BRD10: variants seen among roughly 807,000 people sequenced by gnomAD.
BRD10 encodes bromodomain containing 10.
the BRD10 span, among the ~76,000 whole-genome samples, chr9:5,931,242 T>C: frequency 7.9e-5 from 12 of 152,128 alleles, no homozygotes; most frequent in Non-Finnish European, 1.8e-4. Flanking sequence ...ACTAGCAGTA[T>C]TGTGGCACAG....
At chr9:6,004,086 T>C in the BRD10 span, among the ~76,000 whole-genome samples, 2 of 152,222 alleles carry the variant, frequency 1.3e-5, no homozygotes, top group Non-Finnish European at 2.9e-5. Flanking sequence ...TCAGTAGTAA[T>C]ATTCAACTCC....
the BRD10 span, among the ~76,000 whole-genome samples, chr9:5,937,748 G>T: frequency 1.3e-5 from 2 of 152,296 alleles, no homozygotes; most frequent in East Asian, 3.9e-4. Context: ...TCCCTGATGG[G>T]ATTCAAACCA....
the BRD10 span, chr9:5,929,239 A>G: frequency 2.7e-6 from 2 of 747,086 alleles, no homozygotes; most frequent in South Asian, 3.4e-5. Context: ...GTAAAATACA[A>G]AAACACCAAT....
chr9:5,988,381 C>A, the BRD10 span: 1 of 1,613,648 alleles, frequency 6.2e-7, no homozygotes, highest in Non-Finnish European at 8.5e-7. Context: ...TTCTTCCTGT[C>A]TCAAAACTTG....
the BRD10 span, among the ~76,000 whole-genome samples, chr9:5,980,929 A>G: frequency 6.6e-6 from 1 of 152,216 alleles, no homozygotes; most frequent in African/African-American, 2.4e-5. Context: ...AATTAAAACA[A>G]CAACAGTAAC....
chr9:5,930,369 T>TTTTTTATATATATATATATATATA, the BRD10 span, among the ~76,000 whole-genome samples: 5 of 135,544 alleles, frequency 3.7e-5, no homozygotes, highest in African/African-American at 1.4e-4. Flanking sequence ...TATAAGGAGA[T>TTTTTTATATATATATATATATATA]TATATATATA....
chr9:5,978,261 G>C, the BRD10 span, among the ~76,000 whole-genome samples: 4 of 151,836 alleles, frequency 2.6e-5, no homozygotes, highest in Non-Finnish European at 5.9e-5. Context: ...ATTTCCAAAA[G>C]AAAATTAAGT....
At chr9:5,989,518 C>G in the BRD10 span, among the ~76,000 whole-genome samples, 1 of 149,574 alleles carries the variant, frequency 6.7e-6, no homozygotes, top group African/African-American at 2.5e-5. Context: ...ATAAAATAGG[C>G]TAAAGGTTCA....
the BRD10 span, among the ~76,000 whole-genome samples, chr9:5,939,021 G>A: frequency 1.3e-5 from 2 of 152,012 alleles, no homozygotes; most frequent in Non-Finnish European, 2.9e-5. Flanking sequence ...TAAAAATATT[G>A]ACTTGATACC....
At chr9:5,965,649 CT>C in the BRD10 span, among the ~76,000 whole-genome samples, 1 of 152,196 alleles carries the variant, frequency 6.6e-6, no homozygotes, top group African/African-American at 2.4e-5. Context: ...CTTCTGAAAT[CT>C]GAAGATTTCT....
At chr9:5,983,009 G>A in the BRD10 span, among the ~76,000 whole-genome samples, 1 of 152,122 alleles carries the variant, frequency 6.6e-6, no homozygotes. Context: ...TGGGAAATAA[G>A]CAGTTGGTTG....
the BRD10 span, among the ~76,000 whole-genome samples, chr9:5,993,322 A>T: frequency 3.1e-5 from 1 of 31,786 alleles, no homozygotes; most frequent in Non-Finnish European, 1.5e-4. Context: ...TAAAAAAAAA[A>T]AAAAAAAAAA....
chr9:5,927,579 T>A, the BRD10 span, among the ~76,000 whole-genome samples: 1 of 152,160 alleles, frequency 6.6e-6, no homozygotes, highest in East Asian at 1.9e-4. Flanking sequence ...TATCCACTCT[T>A]CTACTACCAC....
chr9:5,954,916 C>G, the BRD10 span, among the ~76,000 whole-genome samples: 2 of 151,940 alleles, frequency 1.3e-5, no homozygotes, highest in Non-Finnish European at 2.9e-5. Flanking sequence ...GGCGAAACCC[C>G]GTCTCTACTA....
chr9:5,945,578 A>C, the BRD10 span, among the ~76,000 whole-genome samples: 1 of 152,096 alleles, frequency 6.6e-6, no homozygotes, highest in Non-Finnish European at 1.5e-5. Flanking sequence ...TGTGTGGCTC[A>C]TTTCATTTCA....
the BRD10 span, chr9:5,921,579 G>C: frequency 1.9e-6 from 3 of 1,613,920 alleles, no homozygotes; most frequent in East Asian, 2.2e-5. Context: ...ACCAGCATAA[G>C]TTTCTGAACT....
chr9:5,942,620 A>G, the BRD10 span, among the ~76,000 whole-genome samples: 1 of 152,220 alleles, frequency 6.6e-6, no homozygotes, highest in Non-Finnish European at 1.5e-5. Flanking sequence ...CAATCTTTTA[A>G]ACAGTTTAAA....
At chr9:5,917,176 C>T in the BRD10 span, among the ~76,000 whole-genome samples, 1 of 152,106 alleles carries the variant, frequency 6.6e-6, no homozygotes, top group African/African-American at 2.4e-5. Flanking sequence ...TAATTTCAAA[C>T]AAGTAATTAT....
At chr9:5,962,328 G>A in the BRD10 span, among the ~76,000 whole-genome samples, 22 of 111,128 alleles carry the variant, frequency 2.0e-4, no homozygotes, top group South Asian at 6.9e-4. Flanking sequence ...TAAATTCCTC[G>A]ACACATACAC....
Sources: allele counts gnomAD v4.1 joint callset (sites outside exome capture counted in the v4.1 genomes callset), GRCh38; gene constraint gnomAD v4.1.1; transcripts MANE v1.5; gene names NCBI Gene and HGNC (gene_info 2026-07-23, HGNC 2026-07-21).